RAB28: variants seen among roughly 807,000 people sequenced by gnomAD.
RAB28 encodes ras-related protein Rab-28.
Under a neutral mutation model 31.7 loss-of-function variants are expected in RAB28, and 24 were observed. The observed-to-expected ratio is 0.76, with a 90% CI of 0.55 to 1.06. The LOEUF (loss-of-function observed/expected upper bound fraction) is 1.06, where lower values mean the gene tolerates loss of function less well. RAB28 is among the 50% of genes least tolerant of loss of function. The pLI, the probability that RAB28 is intolerant of heterozygous loss-of-function variation, is 0.00. For synonymous variants in RAB28, 100 were observed against 90.4 expected, an observed-to-expected ratio of 1.11 and a Z score of -0.60; for missense variants, 254 against 258.5, an observed-to-expected ratio of 0.98 and a Z score of 0.12.
chr4:13,418,966 T>TAA (rs1238588751), intron 4 of RAB28, among the ~76,000 whole-genome samples: 1 of 151,784 alleles, frequency 6.6e-6, no homozygotes, highest in Admixed American at 6.6e-5. Context: ...GCAAATTGGA[T>TAA]AGAGTCAAGA....
At chr4:13,474,669 A>T (rs1049214843) in intron 2 of RAB28, among the ~76,000 whole-genome samples, 11 of 151,700 alleles carry the variant, frequency 7.3e-5, no homozygotes, top group Non-Finnish European at 1.3e-4. Flanking sequence ...AAATAAAGTA[A>T]GCTTTAATTT....
Position 13,484,298 on chromosome 4 carries a change from A to G in RAB28, c.-148T>C, listed in dbSNP as rs892773377. The G allele has an allele frequency of 2.3e-5, 15 of 643,502 alleles. No homozygotes were observed. The highest frequency in any genetic ancestry group is 4.3e-5 in the Non-Finnish European group (15 of 352,108). The allele number at this position is 643,502 out of a possible 1,614,324, so 39.9% of individuals were successfully genotyped here. A position where few individuals can be genotyped will look rare whatever the true frequency, so the allele number is the denominator to read the frequency against. On this transcript the variant is annotated 5_prime_UTR_variant, in exon 1 of 7. Coordinates refer to ENST00000330852, the MANE Select transcript of RAB28 (RefSeq NM_001017979.3). ...CGCCGGCAGGAGGTATTCGAGGAGAATCACTCGGCAAGCGCCATCTTGCCC... is the reference window on the plus strand; with the variant it reads ...CGCCGGCAGGAGGTATTCGAGGAGAGTCACTCGGCAAGCGCCATCTTGCCC...
chr4:13,371,602 T>TA lies in RAB28; in HGVS notation c.574-2953dup, dbSNP rs1312941869. ...TCTCAGGGGCTTTGACTCTTTGACA[T>TA]AAAGCTTTGTAAAATGTTTCCGAAC... On this transcript the variant is annotated intron_variant, in intron 6 of 6. Transcript: ENST00000330852. 5 of 985,160 alleles carry TA rather than the reference T, an allele frequency of 5.1e-6. No homozygotes were observed. The African/African-American group carries it at 8.7e-5, about 17-fold the overall frequency. 61.0% of individuals were successfully genotyped at this position (985,160 alleles called of 1,614,324 possible).
At chr4:13,376,819 T>G (rs1443546779) in intron 5 of RAB28, among the ~76,000 whole-genome samples, 197 bp from the exon 6 acceptor site, 2 of 152,102 alleles carry the variant, frequency 1.3e-5, no homozygotes, top group Non-Finnish European at 2.9e-5. Flanking sequence ...AAGCCATAAT[T>G]TAAAACTCCA....
chr4:13,460,322 C>T (rs148137627), intron 4 of RAB28, among the ~76,000 whole-genome samples: 132 of 152,302 alleles, frequency 8.7e-4, no homozygotes, highest in African/African-American at 2.9e-3. Flanking sequence ...TCTTGCCTAT[C>T]CTCACATGGC....
intron 3 of RAB28, among the ~76,000 whole-genome samples, chr4:13,463,903 G>A (rs1033009150): frequency 6.6e-6 from 1 of 151,908 alleles, no homozygotes; most frequent in East Asian, 1.9e-4. Flanking sequence ...AAAAAACCAT[G>A]AAAGTCATCA....
At chr4:13,450,984 G>A (rs1477038396) in intron 4 of RAB28, among the ~76,000 whole-genome samples, 1 of 151,890 alleles carries the variant, frequency 6.6e-6, no homozygotes, top group Non-Finnish European at 1.5e-5. Flanking sequence ...TTTGGGTAAG[G>A]AGTTTGGATT....
At chr4:13,434,091 T>C (rs770214860) in intron 4 of RAB28, among the ~76,000 whole-genome samples, 1 of 152,082 alleles carries the variant, frequency 6.6e-6, no homozygotes, top group African/African-American at 2.4e-5. Flanking sequence ...TGTTCTCACT[T>C]ACAAGTGGGA....
intron 4 of RAB28, among the ~76,000 whole-genome samples, chr4:13,431,377 A>G (rs1713796697): frequency 6.6e-6 from 1 of 152,178 alleles, no homozygotes; most frequent in African/African-American, 2.4e-5. Context: ...CCCTTCTCCC[A>G]AGACCTTGGT....
At chr4:13,425,441 A>C (rs1294999151) in intron 4 of RAB28, among the ~76,000 whole-genome samples, 1 of 152,166 alleles carries the variant, frequency 6.6e-6, no homozygotes, top group Non-Finnish European at 1.5e-5. Flanking sequence ...GAAGTCCTTC[A>C]CAATAATTTA....
chr4:13,482,476 T>C (rs1354327048), intron 1 of RAB28, among the ~76,000 whole-genome samples: 1 of 152,158 alleles, frequency 6.6e-6, no homozygotes, highest in Non-Finnish European at 1.5e-5. Context: ...ATAAGATCAG[T>C]TATGAATTGA....
intron 4 of RAB28, among the ~76,000 whole-genome samples, chr4:13,432,758 G>A (rs1713881700): frequency 2.0e-5 from 3 of 152,084 alleles, no homozygotes; most frequent in African/African-American, 7.2e-5. Context: ...TTCACCATGA[G>A]GCTGTCCCTA....
At chr4:13,475,348 T>A (rs1358355415) in intron 2 of RAB28, among the ~76,000 whole-genome samples, 1 of 151,536 alleles carries the variant, frequency 6.6e-6, no homozygotes, top group African/African-American at 2.4e-5. Context: ...AATTATGCAG[T>A]TTTCTCCAGT....
chr4:13,442,251 G>A (rs1366799186), intron 4 of RAB28, among the ~76,000 whole-genome samples: 4 of 152,052 alleles, frequency 2.6e-5, no homozygotes, highest in Non-Finnish European at 5.9e-5. Flanking sequence ...GTTGTAAGAA[G>A]AGCTAAGTAT....
chr4:13,460,119 T>C (rs983585676), intron 4 of RAB28, among the ~76,000 whole-genome samples: 11 of 152,242 alleles, frequency 7.2e-5, no homozygotes, highest in African/African-American at 1.2e-4. Context: ...TATTTCTTTG[T>C]AGGAATTAAA....
intron 2 of RAB28, among the ~76,000 whole-genome samples, chr4:13,478,949 T>A (rs1006276108): frequency 6.6e-6 from 1 of 151,760 alleles, no homozygotes; most frequent in Non-Finnish European, 1.5e-5. Flanking sequence ...AGCAATTTCA[T>A]GCTGCCTTGC....
intron 5 of RAB28, 73 bp from the exon 6 acceptor site, chr4:13,376,695 C>A: frequency 9.7e-7 from 1 of 1,026,562 alleles, no homozygotes. Flanking sequence ...ACAGAATTTT[C>A]TTAAAAATGA....
intron 4 of RAB28, among the ~76,000 whole-genome samples, chr4:13,441,173 C>T (rs1329338926): frequency 2.6e-5 from 4 of 152,136 alleles, no homozygotes; most frequent in African/African-American, 4.8e-5. Flanking sequence ...AAAGTTAATA[C>T]GCATTAACTG....
intron 4 of RAB28, among the ~76,000 whole-genome samples, chr4:13,402,529 T>C (rs191470072): frequency 3.3e-5 from 5 of 152,252 alleles, no homozygotes; most frequent in African/African-American, 9.6e-5. Flanking sequence ...TTGTTTCTCA[T>C]GTTAATATAG....
Sources: gnomAD v4.1 joint callset for allele counts (sites outside exome capture counted in the v4.1 genomes callset) on GRCh38, gnomAD v4.1.1 for gene constraint, MANE v1.5 for transcripts, NCBI Gene and HGNC (gene_info 2026-07-23, HGNC 2026-07-21) for gene names.